Variants in CHLSN observed in about 807,000 individuals in gnomAD.
The protein encoded by CHLSN is protein cholesin.
chr7:1,024,376 C>T, the CHLSN span: 4 of 152,216 alleles, frequency 2.6e-5, no homozygotes, highest in Non-Finnish European at 4.4e-5. Flanking sequence ...CAGCTGCACA[C>T]ACCAACGATG....
the CHLSN span, among the ~76,000 whole-genome samples, chr7:1,132,719 C>T: frequency 1.8e-5 from 2 of 113,810 alleles, no homozygotes; most frequent in Non-Finnish European, 3.6e-5. Flanking sequence ...AAAAAAAAGA[C>T]ACCACCCATA....
the CHLSN span, among the ~76,000 whole-genome samples, chr7:1,029,629 G>C: frequency 6.6e-6 from 1 of 152,228 alleles, no homozygotes; most frequent in African/African-American, 2.4e-5. Flanking sequence ...TGAGCCCGGA[G>C]GCTGGGCCGG....
chr7:1,080,082 C>T, the CHLSN span, among the ~76,000 whole-genome samples: 1 of 152,242 alleles, frequency 6.6e-6, no homozygotes, highest in Non-Finnish European at 1.5e-5. Flanking sequence ...CAGTAGGACC[C>T]TTTGCTTTCC....
At chr7:1,101,303 C>T in the CHLSN span, among the ~76,000 whole-genome samples, 34 of 152,354 alleles carry the variant, frequency 2.2e-4, no homozygotes, top group Middle Eastern at 6.8e-3. Flanking sequence ...ACGCCCTGGA[C>T]GCTGGTGTGC....
At chr7:1,016,924 A>ACACGCCAGCG in the CHLSN span, among the ~76,000 whole-genome samples, 1 of 95,674 alleles carries the variant, frequency 1.0e-5, no homozygotes, top group African/African-American at 4.5e-5. Flanking sequence ...GCACAGCAGC[A>ACACGCCAGCG]CACAGCAGCA....
the CHLSN span, chr7:988,678 C>A: frequency 1.2e-6 from 2 of 1,600,652 alleles, no homozygotes; most frequent in Admixed American, 3.3e-5. Flanking sequence ...GGACCGAGCT[C>A]TTCCTGCTGT....
the CHLSN span, chr7:987,564 C>T: frequency 6.7e-7 from 1 of 1,481,916 alleles, no homozygotes; most frequent in South Asian, 1.3e-5. Context: ...CCTTCCATCT[C>T]CTCTGGGGTA....
chr7:1,136,455 C>CAT, the CHLSN span, among the ~76,000 whole-genome samples: 123 of 99,766 alleles, frequency 1.2e-3, no homozygotes, highest in African/African-American at 5.4e-3. Flanking sequence ...TATATATAAA[C>CAT]ATATATAAAC....
At chr7:1,000,213 G>C in the CHLSN span, among the ~76,000 whole-genome samples, 5 of 152,148 alleles carry the variant, frequency 3.3e-5, no homozygotes, top group African/African-American at 1.2e-4. Context: ...GGCTTCTGCT[G>C]TCAGGGCCCC....
chr7:1,054,138 G>A, the CHLSN span, among the ~76,000 whole-genome samples: 693 of 152,322 alleles, frequency 4.5e-3, 4 homozygotes, highest in African/African-American at 0.015. Context: ...GGAGCAGCCC[G>A]CCCCAGCTGC....
the CHLSN span, chr7:1,091,751 G>A: frequency 9.8e-6 from 15 of 1,534,596 alleles, no homozygotes; most frequent in Admixed American, 4.1e-5. Flanking sequence ...TCCCAAGCCC[G>A]GGGCGTGGGC....
the CHLSN span, among the ~76,000 whole-genome samples, chr7:1,106,809 C>T: frequency 3.9e-5 from 6 of 152,196 alleles, no homozygotes; most frequent in African/African-American, 9.7e-5. Context: ...CTGAATCTGC[C>T]GCCCCCTTCC....
At chr7:1,009,861 ACAGT>A in the CHLSN span, 1 of 1,158,302 alleles carries the variant, frequency 8.6e-7, no homozygotes, top group East Asian at 2.6e-5. Flanking sequence ...AACCTTCCAC[ACAGT>A]GTGTGCGAGT....
the CHLSN span, among the ~76,000 whole-genome samples, chr7:1,123,024 C>T: frequency 6.6e-6 from 1 of 152,180 alleles, no homozygotes; most frequent in Non-Finnish European, 1.5e-5. This position sits in a 1 kb window ranked among gnomAD's most constrained non-coding sequence, Gnocchi z 4.4. Flanking sequence ...CCCAGCACTC[C>T]AGGCCAGCAG....
the CHLSN span, among the ~76,000 whole-genome samples, chr7:1,094,316 G>A: frequency 0.01 from 1,565 of 152,332 alleles, 27 homozygotes; most frequent in African/African-American, 0.036. Flanking sequence ...CTGCTTCTCC[G>A]TCTTCACAGA....
the CHLSN span, among the ~76,000 whole-genome samples, chr7:1,022,253 G>A: frequency 3.3e-5 from 5 of 152,140 alleles, no homozygotes; most frequent in South Asian, 2.1e-4. Context: ...CCCCACCCAC[G>A]GGCGCCTCCT....
chr7:1,051,026 G>T, the CHLSN span, among the ~76,000 whole-genome samples: 3 of 152,248 alleles, frequency 2.0e-5, no homozygotes, highest in Admixed American at 2.0e-4. Context: ...CTGGGTGGGA[G>T]TGCGCAGCCC....
At chr7:1,048,332 T>C in the CHLSN span, among the ~76,000 whole-genome samples, 2 of 152,160 alleles carry the variant, frequency 1.3e-5, no homozygotes, top group African/African-American at 4.8e-5. Context: ...TCAAAAGCGA[T>C]GGCTTTTGTG....
At chr7:1,054,628 G>A in the CHLSN span, among the ~76,000 whole-genome samples, 1 of 152,184 alleles carries the variant, frequency 6.6e-6, no homozygotes. Context: ...GCCTCACGGC[G>A]GGGCAGGCAT....
Sources: gnomAD v4.1 joint callset for allele counts (sites outside exome capture counted in the v4.1 genomes callset) on GRCh38, gnomAD v4.1.1 for gene constraint, Gnocchi (gnomAD v3.1) non-coding constraint, MANE v1.5 for transcripts, NCBI Gene and HGNC (gene_info 2026-07-23, HGNC 2026-07-21) for gene names.